NSD3: variants seen among roughly 807,000 people sequenced by gnomAD.
NSD3 encodes histone-lysine N-methyltransferase NSD3.
Under a neutral mutation model 160.8 loss-of-function variants are expected in NSD3, and 24 were observed. The ratio of observed to expected loss-of-function variants is 0.15; its 90% CI spans 0.11 to 0.21. The LOEUF (loss-of-function observed/expected upper bound fraction) is 0.21. NSD3 is among the 10% of genes least tolerant of loss of function. The pLI, the probability that NSD3 is intolerant of heterozygous loss-of-function variation, is 1.00. For missense variants in NSD3, 1,157 were observed against 1,735.9 expected (o/e 0.67, Z 5.93); for synonymous variants, 520 against 600.0 (o/e 0.87, Z 1.95).
At chr8:38,287,338 A>C (rs1264714362) in intron 19 of NSD3, among the ~76,000 whole-genome samples, 3 of 152,242 alleles carry the variant, frequency 2.0e-5, no homozygotes, top group Non-Finnish European at 4.4e-5. Flanking sequence ...GACTGTTAAA[A>C]AGAATGAAGT....
In NSD3 at chr8:38,290,567, T is replaced by C. The variant is rs201176975; in HGVS notation, c.3026A>G (p.Tyr1009Cys). 1.9e-6 allele frequency: 3 copies of C among 1,614,158 alleles called. No homozygotes were observed. The highest frequency in any genetic ancestry group is 2.2e-5 in the East Asian group (1 of 44,884). ...PVFFFGSHDY[Y>C]WVHQGRVFPY... ...GAACACTCTGCCCTGGTGTACCCAG[T>C]AGTAGTCATGAGAACCAAAGAAGAA... The change falls in exon 17 of 24, where the codon TAC becomes TGC. Residue 1009 changes from tyrosine (Y) to cysteine (C), a missense_variant. Coordinates refer to ENST00000317025, the MANE Select transcript of NSD3 (RefSeq NM_023034.2).
At position 38,276,344 on chromosome 8, in the gene NSD3, G is replaced by A; in HGVS notation, c.4024C>T (p.Pro1342Ser). Reference protein sequence around the residue: ...ELVMCDKKDCPKAYHLLCLNL... With the variant: ...ELVMCDKKDCSKAYHLLCLNL... ...AGGCATAGGAGGTGGTATGCTTTGGGACAGTCTTTTTTGTCACACATGACC... is the reference window on the plus strand; with the variant it reads ...AGGCATAGGAGGTGGTATGCTTTGGAACAGTCTTTTTTGTCACACATGACC... The change falls in exon 23 of 24, where the codon CCC (proline) becomes TCC (serine). Residue 1342 changes from proline to serine, a missense_variant. Pro to Ser is a moderately conservative substitution (Grantham distance 74, BLOSUM62 -1). Coordinates refer to ENST00000317025, the MANE Select transcript of NSD3 (RefSeq NM_023034.2). The A allele has an allele frequency of 1.2e-6, 2 of 1,614,188 alleles. No individual in the cohort carries two copies. The highest frequency in any genetic ancestry group is 1.7e-6 in the Non-Finnish European group (2 of 1,180,032).
chr8:38,287,973 C>T (rs1808905840), intron 19 of NSD3, among the ~76,000 whole-genome samples: 1 of 151,928 alleles, frequency 6.6e-6, no homozygotes, highest in African/African-American at 2.4e-5. Context: ...GTGGCTCATG[C>T]TTATAATCCC....
intron 1 of NSD3, among the ~76,000 whole-genome samples, chr8:38,380,374 T>G (rs1811506451): frequency 1.3e-5 from 2 of 152,136 alleles, no homozygotes; most frequent in Non-Finnish European, 2.9e-5. Context: ...ACACAGCGCT[T>G]TGCCAAGAGC....
At chr8:38,314,304 C>T (rs2131019755) in intron 12 of NSD3, among the ~76,000 whole-genome samples, 1 of 152,292 alleles carries the variant, frequency 6.6e-6, no homozygotes, top group East Asian at 1.9e-4. Context: ...ACTGATACTT[C>T]TTCCAGTCTC....
At chr8:38,276,620 C>T in intron 22 of NSD3, 120 bp from the exon 23 acceptor site, 1 of 997,764 alleles carries the variant, frequency 1.0e-6, no homozygotes, top group Non-Finnish European at 1.5e-6. Flanking sequence ...TACCTAAAAA[C>T]ATCAGGAGGC....
chr8:38,358,565 T>A (rs946794410), intron 1 of NSD3, among the ~76,000 whole-genome samples: 3 of 152,146 alleles, frequency 2.0e-5, no homozygotes, highest in Admixed American at 6.5e-5. Flanking sequence ...AAATTTTTTT[T>A]AAGATACATA....
At chr8:38,315,778 T>C in intron 10 of NSD3, 134 bp downstream of exon 10, 1 of 1,358,098 alleles carries the variant, frequency 7.4e-7, no homozygotes, top group Non-Finnish European at 9.9e-7. Context: ...AGCAAAAGAA[T>C]TAAGACACTC....
rs529445520 is a variant in NSD3 at position 38,338,353 on chromosome 8, A to G, written c.747+183T>C. The stretch of plus-strand genomic sequence containing the variant: ...ATCAATTGAAAAAAAAACAGGTCAT[A>G]GTTTTGAAAAGGAAAATGATTCACT... On this transcript the variant is annotated intron_variant, in intron 3 of 23. Transcript: ENST00000317025. 1.7e-4 allele frequency among the ~76,000 whole-genome samples: 26 copies of G among 152,212 alleles called. No homozygotes were observed. In the South Asian group the frequency reaches 5.4e-3, roughly 32 times the overall value.
chr8:38,374,572 C>T (rs1336391192), intron 1 of NSD3, among the ~76,000 whole-genome samples: 1 of 151,776 alleles, frequency 6.6e-6, no homozygotes, highest in Non-Finnish European at 1.5e-5. Flanking sequence ...GCAGAGGCAA[C>T]AGAGCCAGAC....
At position 38,275,833 on chromosome 8, in the gene NSD3, A is replaced by G. The variant is rs1808587066; in HGVS notation, c.4122T>C (p.Ala1374=). The part of the protein sequence containing the change: ...WHQCDECSSA[A]VSFCEFCPHS... ...GTGGACAGAATTCACAGAAGGAAAC[A>G]GCTGCACTGCTGCACTCATCGCACT... Residue 1374 remains alanine (A), a synonymous_variant, in exon 24 of 24, where the codon GCT becomes GCC. Transcript: ENST00000317025. The G allele has an allele frequency of 5.0e-6, 8 of 1,614,082 alleles. No homozygotes were observed. The highest frequency in any genetic ancestry group is 1.3e-5 in the African/African-American group (1 of 74,926).
Position 38,337,372 on chromosome 8 carries a change from A to G in NSD3, c.843T>C (p.Tyr281=). 6.2e-7 allele frequency: 1 copy of G among 1,612,438 alleles called. No homozygotes were observed. Among genetic ancestry groups the G allele is most frequent in the African/African-American group, 1.3e-5 (1 of 74,934 alleles). ...TTGAAACCATACAAGGCCACCAAGG[A>G]TAGGTTCCCACCTTGGACCACACAA... ...GDLVWSKVGT[Y]PWWPCMVSSD... The change falls in exon 4 of 24, where the codon TAT becomes TAC. Residue 281 remains tyrosine (Y), a synonymous_variant. Transcript: ENST00000317025.
At chr8:38,339,674 C>G (rs901179653) in intron 2 of NSD3, among the ~76,000 whole-genome samples, 1 of 150,150 alleles carries the variant, frequency 6.7e-6, no homozygotes, top group Non-Finnish European at 1.5e-5. Context: ...TGCAGTGAGC[C>G]GAGATCATGC....
chr8:38,278,457 A>G, intron 21 of NSD3, 45 bp from the exon 22 acceptor site: 1 of 1,524,630 alleles, frequency 6.6e-7, no homozygotes, highest in South Asian at 1.2e-5. Flanking sequence ...GTCATGGGGA[A>G]GAGAAAAGCT....
intron 10 of NSD3, 86 bp downstream of exon 10, chr8:38,315,826 A>T (rs1018720974): frequency 5.2e-6 from 8 of 1,526,382 alleles, no homozygotes; most frequent in Non-Finnish European, 7.0e-6. Context: ...GAGTATTTTT[A>T]AAATGTCCTG....
At position 38,318,918 on chromosome 8, in the gene NSD3, G is replaced by A. The variant is rs2234557; in HGVS notation, c.1832C>T (p.Thr611Ile). Residue 611 changes from threonine to isoleucine, a missense_variant, in exon 9 of 24, where the codon ACA becomes ATA. Coordinates refer to ENST00000317025, the MANE Select transcript of NSD3 (RefSeq NM_023034.2). This position sits in a 1 kb window ranked among gnomAD's most constrained non-coding sequence, Gnocchi z 5.3. ...KEQVETVPQA[T>I]VKTGLQKGAS... is the part of the protein sequence containing the mutation. The stretch of plus-strand genomic sequence containing the variant: ...ACCTTTCTGTAATCCAGTCTTCACT[G>A]TAGCCTGAGGAACTGTTTCAACCTG... 2.6e-5 allele frequency: 42 copies of A among 1,611,018 alleles called. No homozygotes were observed. In the African/African-American group the frequency reaches 5.2e-4, roughly 20 times the overall value.
intron 1 of NSD3, among the ~76,000 whole-genome samples, chr8:38,374,376 T>C (rs910937401): frequency 2.6e-5 from 4 of 152,172 alleles, no homozygotes; most frequent in African/African-American, 9.7e-5. Context: ...AAAATACTTG[T>C]TACTTAATAT....
intron 2 of NSD3, among the ~76,000 whole-genome samples, chr8:38,344,522 C>T (rs990426538): frequency 6.6e-6 from 1 of 152,180 alleles, no homozygotes; most frequent in Non-Finnish European, 1.5e-5. Flanking sequence ...GATCCACCCA[C>T]CTCAGCCTCC....
intron 7 of NSD3, among the ~76,000 whole-genome samples, chr8:38,326,182 A>G (rs1341516624): frequency 2.6e-5 from 4 of 152,148 alleles, no homozygotes; most frequent in South Asian, 2.1e-4. Flanking sequence ...CAAAGGCACA[A>G]TCTTACTGAA....
Sources: allele counts gnomAD v4.1 joint callset (sites outside exome capture counted in the v4.1 genomes callset), GRCh38; gene constraint gnomAD v4.1.1; non-coding constraint Gnocchi (gnomAD v3.1); transcripts MANE v1.5; gene names NCBI Gene and HGNC (gene_info 2026-07-23, HGNC 2026-07-21).